The following SESN3 variants were observed in gnomAD, a reference collection of about 807,000 sequenced individuals.
SESN3 encodes the protein sestrin-3.
A neutral mutation model predicts 55.3 loss-of-function variants in SESN3; 21 were observed. That is an observed-to-expected ratio of 0.38 (90% CI 0.27 to 0.55). The LOEUF is 0.55. Ranked by LOEUF, SESN3 falls within the 20% of genes least tolerant of loss-of-function variation. SESN3 has a pLI of 0.76. For missense variants in SESN3, 408 were observed against 604.3 expected (o/e 0.68, Z 3.41); for synonymous variants, 181 against 203.1 (o/e 0.89, Z 0.93).
At chr11:95,188,216 A>G (rs193246413) in intron 4 of SESN3, among the ~76,000 whole-genome samples, 1,838 of 151,866 alleles carry the variant, frequency 0.012, 17 homozygotes, top group Non-Finnish European at 0.019. Flanking sequence ...AAATGTAACA[A>G]TTGGGAAAGG....
chr11:95,230,548 G>A lies in SESN3; in HGVS notation c.78+235C>T. The A allele has an allele frequency of 3.8e-6, 2 of 522,022 alleles. No homozygotes were observed. The highest frequency in any genetic ancestry group is 6.7e-6 in the Non-Finnish European group (2 of 296,518). 32.3% of individuals were successfully genotyped at this position (522,022 alleles called of 1,614,324 possible). A position where few individuals can be genotyped will look rare whatever the true frequency, so the allele number is the denominator to read the frequency against. On this transcript the variant is annotated intron_variant, in intron 1 of 9. Coordinates refer to ENST00000536441, the MANE Select transcript of SESN3 (RefSeq NM_144665.4). The surrounding 1 kb of genome is among the most constrained non-coding windows in gnomAD (Gnocchi z 4.6). The stretch of plus-strand genomic sequence containing the variant: ...AAAGGCACCAAATAAAAGGAACAAG[G>A]GAAGAAAAAATATCCCAACCCCTCC...
chr11:95,197,114 G>T (rs1201948387), intron 1 of SESN3, among the ~76,000 whole-genome samples: 1 of 152,082 alleles, frequency 6.6e-6, no homozygotes, highest in Non-Finnish European at 1.5e-5. Context: ...CTTTCTTGTG[G>T]TAATAAATAA....
chr11:95,213,233 C>T lies in SESN3; in HGVS notation c.78+17550G>A, dbSNP rs996124354. On this transcript the variant is annotated intron_variant, in intron 1 of 9. Coordinates refer to ENST00000536441, the MANE Select transcript of SESN3 (RefSeq NM_144665.4). ...TACATAGATCAGTTGCCCAGTATTC[C>T]ACTGTATTTATGTCACATAATTTGT... Among the ~76,000 whole-genome samples the T allele has an allele frequency of 4.6e-5, 7 of 152,120 alleles. No individual in the cohort carries two copies. The East Asian group carries it at 1.2e-3, about 25-fold the overall frequency.
intron 4 of SESN3, among the ~76,000 whole-genome samples, 164 bp downstream of exon 4, chr11:95,189,615 A>G (rs537479465): frequency 6.6e-6 from 1 of 152,060 alleles, no homozygotes; most frequent in East Asian, 1.9e-4. Context: ...TGATCACTTA[A>G]AGAGGAGAAG....
chr11:95,207,125 A>G (rs1027685809), intron 1 of SESN3, among the ~76,000 whole-genome samples: 4 of 151,030 alleles, frequency 2.6e-5, no homozygotes, highest in Non-Finnish European at 5.9e-5. Flanking sequence ...TGAACACCAG[A>G]GGCCTGCACT....
At chr11:95,193,965 A>G (rs1329275049) in intron 1 of SESN3, among the ~76,000 whole-genome samples, 3 of 152,150 alleles carry the variant, frequency 2.0e-5, no homozygotes, top group Non-Finnish European at 2.9e-5. Context: ...CTAAAATAGC[A>G]ATAAGCATAT....
chr11:95,224,612 A>G, intron 1 of SESN3: 1 of 286,154 alleles, frequency 3.5e-6, no homozygotes, highest in South Asian at 3.2e-5. Flanking sequence ...TCAAAAAGTT[A>G]CATCCACTAA....
chr11:95,208,532 G>T (rs1427556137), intron 1 of SESN3, among the ~76,000 whole-genome samples: 1 of 151,336 alleles, frequency 6.6e-6, no homozygotes, highest in Non-Finnish European at 1.5e-5. Context: ...CACTTAAATG[G>T]CTACCATTGA....
chr11:95,194,426 G>A (rs1433659198), intron 1 of SESN3, among the ~76,000 whole-genome samples: 2 of 152,018 alleles, frequency 1.3e-5, no homozygotes, highest in East Asian at 1.9e-4. Context: ...CATTTAACAC[G>A]ATTTTTTTGA....
Position 95,184,597 on chromosome 11 carries a change from G to A in SESN3, c.763-3C>T, listed in dbSNP as rs764264358. 1 of 1,610,510 alleles carries A rather than the reference G, an allele frequency of 6.2e-7. No individual in the cohort carries two copies. The highest frequency in any genetic ancestry group is 2.2e-5 in the East Asian group (1 of 44,804). ...AGCTCACTTAGAGAATCCACAATCT[G>A]GAAACAGATAAGATAATGTTGGGTG... On this transcript the variant is annotated splice_polypyrimidine_tract_variant and splice_region_variant and intron_variant, in intron 5 of 9. Coordinates refer to ENST00000536441, the MANE Select transcript of SESN3 (RefSeq NM_144665.4).
intron 1 of SESN3, among the ~76,000 whole-genome samples, chr11:95,219,993 A>G (rs1299168272): frequency 1.3e-5 from 2 of 152,176 alleles, no homozygotes; most frequent in African/African-American, 2.4e-5. Flanking sequence ...TCTCAGAATA[A>G]GAGTTCTAAC....
chr11:95,215,915 G>A (rs951172827), intron 1 of SESN3, among the ~76,000 whole-genome samples: 41 of 151,982 alleles, frequency 2.7e-4, no homozygotes, highest in African/African-American at 9.2e-4. Context: ...TGGCTAAAAC[G>A]GTGAAACCCC....
At chr11:95,184,712 T>C in intron 5 of SESN3, 118 bp from the exon 6 acceptor site, 1 of 863,388 alleles carries the variant, frequency 1.2e-6, no homozygotes, top group Non-Finnish European at 1.7e-6. Flanking sequence ...TATGAAGTTC[T>C]TAAGTCGGTT....
In SESN3 at chr11:95,178,843, G is replaced by A; in HGVS notation, c.938-15C>T. 1 of 1,400,074 alleles carries A rather than the reference G, an allele frequency of 7.1e-7. No individual in the cohort carries two copies. Among genetic ancestry groups the A allele is most frequent in the South Asian group, 1.2e-5 (1 of 86,720 alleles). 86.7% of individuals were successfully genotyped at this position (1,400,074 alleles called of 1,614,324 possible). ...ATCCTCAAAATCTAAGGACAATAAT[G>A]AACAATCTAGTGTTAAGGATACTGT... is the stretch of plus-strand genomic sequence containing the variant. On this transcript the variant is annotated splice_polypyrimidine_tract_variant and intron_variant, in intron 6 of 9. Coordinates refer to ENST00000536441, the MANE Select transcript of SESN3 (RefSeq NM_144665.4).
chr11:95,202,865 T>A (rs954941023), intron 1 of SESN3, among the ~76,000 whole-genome samples: 1 of 152,142 alleles, frequency 6.6e-6, no homozygotes, highest in Non-Finnish European at 1.5e-5. Flanking sequence ...TAAAAGTTTC[T>A]GTATTGTGTA....
upstream of SESN3, chr11:95,231,445 G>C (rs955421286): frequency 1.0e-5 from 3 of 290,532 alleles, no homozygotes; most frequent in Admixed American, 1.6e-4. Flanking sequence ...TAAGTAGTAG[G>C]GTAGCAGGGA....
intron 1 of SESN3, among the ~76,000 whole-genome samples, chr11:95,206,022 G>A (rs116395551): frequency 5.3e-5 from 8 of 151,970 alleles, no homozygotes; most frequent in Admixed American, 4.6e-4. Flanking sequence ...CTTCACATAA[G>A]CCTCAACACA....
chr11:95,188,916 G>A (rs751878947), intron 4 of SESN3, among the ~76,000 whole-genome samples: 4 of 151,778 alleles, frequency 2.6e-5, no homozygotes, highest in African/African-American at 9.7e-5. Context: ...CATCAAATCA[G>A]AACATAAATC....
intron 1 of SESN3, among the ~76,000 whole-genome samples, chr11:95,210,176 A>G (rs1177561591): frequency 2.6e-5 from 4 of 152,114 alleles, no homozygotes; most frequent in Non-Finnish European, 5.9e-5. Context: ...ATGAGAACAC[A>G]TGGACACAGG....
Sources: allele counts gnomAD v4.1 joint callset (sites outside exome capture counted in the v4.1 genomes callset), GRCh38; gene constraint gnomAD v4.1.1; non-coding constraint Gnocchi (gnomAD v3.1); transcripts MANE v1.5; gene names NCBI Gene and HGNC (gene_info 2026-07-23, HGNC 2026-07-21).